The following KIF21A variants were observed in gnomAD, a reference collection of about 807,000 sequenced individuals.
The protein encoded by KIF21A is kinesin family member 21A, also known as kinesin-like protein KIF21A.
KIF21A carries 114 observed loss-of-function variants against 202.9 expected under a neutral mutation model. The ratio of observed to expected loss-of-function variants is 0.56; its 90% CI spans 0.48 to 0.66. The LOEUF (loss-of-function observed/expected upper bound fraction) is 0.66. KIF21A is among the 30% of genes least tolerant of loss of function. The probability of loss-of-function intolerance (pLI) is 0.00; values close to 1 mark genes in which losing one functional copy is unlikely to be tolerated. For missense variants in KIF21A, 1,677 were observed against 1,994.9 expected (o/e 0.84, Z 3.04); for synonymous variants, 667 against 670.8 (o/e 0.99, Z 0.09).
intron 22 of KIF21A, among the ~76,000 whole-genome samples, chr12:39,331,183 G>A (rs1946474053): frequency 6.6e-6 from 1 of 150,666 alleles, no homozygotes; most frequent in Non-Finnish European, 1.5e-5. Flanking sequence ...GATGGCATAA[G>A]AACAGAAAGA....
intron 1 of KIF21A, among the ~76,000 whole-genome samples, chr12:39,407,787 A>T (rs1445062172): frequency 6.6e-6 from 1 of 152,008 alleles, no homozygotes; most frequent in Non-Finnish European, 1.5e-5. Flanking sequence ...ATTCACAATG[A>T]CTCTCAATCT....
intron 1 of KIF21A, among the ~76,000 whole-genome samples, chr12:39,433,611 G>A (rs11172120): frequency 0.34 from 51,152 of 152,032 alleles, 10,781 homozygotes; most frequent in African/African-American, 0.6. Flanking sequence ...ACATTAGGTT[G>A]AGCAACTAGT....
rs114694063 is a variant in KIF21A at position 39,357,220 on chromosome 12, C to T, written c.1405+28G>A. 2.0e-3 allele frequency: 3,232 copies of T among 1,601,974 alleles called. 65 individuals carry two copies. The African/African-American group carries it at 0.035, about 17-fold the overall frequency. On this transcript the variant is annotated intron_variant, in intron 9 of 37. Coordinates refer to ENST00000361418, the MANE Select transcript of KIF21A (RefSeq NM_001173464.2). ...GTTCCCTGCCCTCCAGAAGTTAATC[C>T]CTCACTTATCCCACCCTACCCACAT...
At chr12:39,376,196 T>C (rs921476381) in intron 1 of KIF21A, among the ~76,000 whole-genome samples, 2 of 152,136 alleles carry the variant, frequency 1.3e-5, no homozygotes, top group African/African-American at 4.8e-5. Context: ...TGCATACATG[T>C]ATGCATATAC....
intron 26 of KIF21A, among the ~76,000 whole-genome samples, chr12:39,325,333 ATT>A (rs200000503): frequency 4.3e-5 from 6 of 138,406 alleles, no homozygotes; most frequent in Admixed American, 7.2e-5. Flanking sequence ...ACCAAGGAGA[ATT>A]TTTTTTTTTT....
chr12:39,387,743 T>C (rs1951049388), intron 1 of KIF21A, among the ~76,000 whole-genome samples: 1 of 152,052 alleles, frequency 6.6e-6, no homozygotes, highest in South Asian at 2.1e-4. Context: ...AGAATCCACA[T>C]CAGAACTTGG....
intron 5 of KIF21A, 47 bp downstream of exon 5, chr12:39,366,983 A>G (rs1293606862): frequency 6.5e-7 from 1 of 1,527,410 alleles, no homozygotes; most frequent in Non-Finnish European, 9.1e-7. Flanking sequence ...ATGTGGTTTT[A>G]GGGAGATAAA....
rs745390589 is a variant in KIF21A at position 39,333,071 on chromosome 12, C to T, written c.2524G>A (p.Asp842Asn). 2 of 1,614,050 alleles carry T rather than the reference C, an allele frequency of 1.2e-6. No individual in the cohort carries two copies. The highest frequency in any genetic ancestry group is 1.7e-5 in the Admixed American group (1 of 60,016). The change falls in exon 19 of 38, where the codon GAT becomes AAT. Residue 842 changes from aspartate to asparagine, a missense_variant. Transcript: ENST00000361418. ...CGAGTAACTTTCCCAGCCACTTTAT[C>T]TGACATGGGTCTTACTTGCCGACGA... The part of the protein sequence containing the change: ...ALRRQVRPMS[D>N]KVAGKVTRKL...
At chr12:39,441,660 T>TAAAAAAAAAAAAAAACAAAA (rs1555208054) in intron 1 of KIF21A, among the ~76,000 whole-genome samples, 2 of 37,790 alleles carry the variant, frequency 5.3e-5, no homozygotes, top group African/African-American at 2.1e-4. Flanking sequence ...CCCTGGGTGG[T>TAAAAAAAAAAAAAAACAAAA]AAAAAAAAAA....
At chr12:39,376,265 C>G (rs540066949) in intron 1 of KIF21A, among the ~76,000 whole-genome samples, 30 of 152,048 alleles carry the variant, frequency 2.0e-4, no homozygotes, top group Non-Finnish European at 3.8e-4. Flanking sequence ...TATCTTTACA[C>G]CTCCATTCAT....
intron 24 of KIF21A, among the ~76,000 whole-genome samples, chr12:39,327,857 A>G (rs1946106821): frequency 6.6e-6 from 1 of 152,206 alleles, no homozygotes; most frequent in Admixed American, 6.5e-5. Flanking sequence ...TTATCACAAT[A>G]GCTTTAAAGC....
chr12:39,315,786 TATC>T (rs1339358519), intron 30 of KIF21A, 143 bp downstream of exon 30: 3 of 751,114 alleles, frequency 4.0e-6, no homozygotes, highest in Non-Finnish European at 7.4e-6. Flanking sequence ...GTATTAAAAT[TATC>T]ATGTTTAGAA....
intron 10 of KIF21A, among the ~76,000 whole-genome samples, chr12:39,356,325 A>G (rs769644754): frequency 3.3e-5 from 5 of 152,216 alleles, no homozygotes; most frequent in Non-Finnish European, 5.9e-5. Context: ...CATGGTATTG[A>G]CATATGCAAG....
intron 27 of KIF21A, 110 bp from the exon 28 acceptor site, chr12:39,320,123 G>A: frequency 6.1e-6 from 4 of 656,102 alleles, no homozygotes; most frequent in Non-Finnish European, 8.1e-6. Context: ...ACCTCAGAAA[G>A]ATTATTACTT....
intron 37 of KIF21A, among the ~76,000 whole-genome samples, chr12:39,297,348 C>T (rs1273212606): frequency 6.6e-6 from 1 of 151,978 alleles, no homozygotes; most frequent in African/African-American, 2.4e-5. Context: ...AAATGTCCAA[C>T]AATGATAGAC....
At chr12:39,340,656 TGAAAAAACAAAAC>T (rs1947365087) in intron 15 of KIF21A, among the ~76,000 whole-genome samples, 1 of 151,986 alleles carries the variant, frequency 6.6e-6, no homozygotes, top group African/African-American at 2.4e-5. Flanking sequence ...GATATCGGTA[TGAAAAAACAAAAC>T]AAATAACAAT....
intron 11 of KIF21A, among the ~76,000 whole-genome samples, chr12:39,349,347 T>C (rs1948173674): frequency 6.6e-6 from 1 of 152,118 alleles, no homozygotes. Context: ...GTCCAAAGTT[T>C]CAATTAATTT....
At chr12:39,311,370 T>C (rs541189506) in intron 32 of KIF21A, 47 bp downstream of exon 32, 3 of 1,554,410 alleles carry the variant, frequency 1.9e-6, no homozygotes, top group Non-Finnish European at 2.6e-6. Context: ...TGTAATTTTT[T>C]TTAAAAAAAA....
At chr12:39,413,656 T>C (rs912722743) in intron 1 of KIF21A, among the ~76,000 whole-genome samples, 1 of 152,156 alleles carries the variant, frequency 6.6e-6, no homozygotes. Flanking sequence ...CCAGGCACAG[T>C]GACTAATGCC....
Sources: allele counts gnomAD v4.1 joint callset (sites outside exome capture counted in the v4.1 genomes callset), GRCh38; gene constraint gnomAD v4.1.1; transcripts MANE v1.5; gene names NCBI Gene and HGNC (gene_info 2026-07-23, HGNC 2026-07-21).